R3HDM1: variants seen among roughly 807,000 people sequenced by gnomAD.
R3HDM1 encodes R3H domain containing 1, also known as R3H domain-containing protein 1.
In R3HDM1, 46 loss-of-function variants were observed where a neutral mutation model predicts 141.1. That is an observed-to-expected ratio of 0.33 (90% CI 0.26 to 0.42). The LOEUF (loss-of-function observed/expected upper bound fraction) is 0.42, where lower values mean the gene tolerates loss of function less well. R3HDM1 is among the 10% of genes least tolerant of loss of function. The pLI, the probability that R3HDM1 is intolerant of heterozygous loss-of-function variation, is 1.00. For synonymous variants in R3HDM1, 435 were observed against 472.9 expected, an observed-to-expected ratio of 0.92 and a Z score of 1.04; for missense variants, 1,184 against 1,368.3, an observed-to-expected ratio of 0.87 and a Z score of 2.12.
chr2:135,665,411 C>T (rs762767177), intron 19 of R3HDM1: 4 of 532,364 alleles, frequency 7.5e-6, no homozygotes, highest in Admixed American at 3.9e-5. Flanking sequence ...CTGTTGGATT[C>T]GGGGCCGTAG....
At chr2:135,663,306 G>A (rs541215610) in intron 19 of R3HDM1, among the ~76,000 whole-genome samples, 9 of 152,208 alleles carry the variant, frequency 5.9e-5, no homozygotes, top group African/African-American at 2.2e-4. Flanking sequence ...CAATAAATCA[G>A]GTTGCATCTG....
chr2:135,632,046 A>AATACTTTT, intron 9 of R3HDM1, 45 bp downstream of exon 9: 1 of 1,404,560 alleles, frequency 7.1e-7, no homozygotes. Context: ...TCTAAATAAT[A>AATACTTTT]ATACTTTATC....
intron 1 of R3HDM1, among the ~76,000 whole-genome samples, chr2:135,540,653 A>G (rs1251593111): frequency 6.6e-6 from 1 of 152,120 alleles, no homozygotes; most frequent in Non-Finnish European, 1.5e-5. Flanking sequence ...CCTGGCCTCA[A>G]GCAGTCCTTC....
chr2:135,620,411 G>T, intron 5 of R3HDM1: 2 of 866,354 alleles, frequency 2.3e-6, no homozygotes, highest in Non-Finnish European at 2.8e-6. Context: ...GTGTAAGGAA[G>T]TTGCCAGTGT....
intron 5 of R3HDM1, among the ~76,000 whole-genome samples, chr2:135,618,259 G>A (rs550193435): frequency 1.3e-5 from 2 of 151,416 alleles, no homozygotes; most frequent in East Asian, 3.9e-4. Context: ...CGCCTCCCAG[G>A]TTCAAGCCAT....
rs575860940 is a variant in R3HDM1, at chr2:135,688,304, A to G, written c.2459+7980A>G. Among the ~76,000 whole-genome samples, 5 of 152,362 alleles carry G rather than the reference A, an allele frequency of 3.3e-5. No homozygotes were observed. In the South Asian group the frequency reaches 6.2e-4, roughly 19 times the overall value. On this transcript the variant is annotated intron_variant, in intron 21 of 26. Coordinates refer to ENST00000683871, the MANE Select transcript of R3HDM1 (RefSeq NM_001378107.1). Reference sequence around the variant, plus strand: ...GCCATCAGTTCAGTGTTAACGAATCAACAATACAGTACATCCAGAAAAAGA... The same window carrying G: ...GCCATCAGTTCAGTGTTAACGAATCGACAATACAGTACATCCAGAAAAAGA...
At chr2:135,540,955 C>T (rs1697345114) in intron 1 of R3HDM1, among the ~76,000 whole-genome samples, 1 of 152,128 alleles carries the variant, frequency 6.6e-6, no homozygotes, top group Non-Finnish European at 1.5e-5. Flanking sequence ...TCTTGGGTGA[C>T]AAGGTAAATT....
At chr2:135,578,270 T>C (rs1705953204) in intron 1 of R3HDM1, among the ~76,000 whole-genome samples, 1 of 152,194 alleles carries the variant, frequency 6.6e-6, no homozygotes, top group Non-Finnish European at 1.5e-5. Context: ...TATAATATGC[T>C]ACTCTTTATG....
intron 1 of R3HDM1, among the ~76,000 whole-genome samples, chr2:135,595,628 C>T (rs1710473777): frequency 6.6e-6 from 1 of 152,152 alleles, no homozygotes; most frequent in African/African-American, 2.4e-5. Context: ...GTTAATATTA[C>T]CAGTTTCACA....
chr2:135,606,470 T>C (rs1306102106), intron 3 of R3HDM1: 2 of 151,942 alleles, frequency 1.3e-5, no homozygotes, highest in South Asian at 2.1e-4. Flanking sequence ...CAAAAAGTTA[T>C]TCAAAAAAAA....
At chr2:135,703,078 T>C (rs2074448232) in intron 21 of R3HDM1, among the ~76,000 whole-genome samples, 1 of 152,174 alleles carries the variant, frequency 6.6e-6, no homozygotes, top group African/African-American at 2.4e-5. Context: ...GAGACATCTT[T>C]GTGGTGAATT....
intron 9 of R3HDM1, 137 bp from the exon 10 acceptor site, chr2:135,635,753 C>T (rs2105230204): frequency 9.6e-7 from 1 of 1,041,474 alleles, no homozygotes; most frequent in Non-Finnish European, 1.3e-6. Flanking sequence ...CTAAATGAGA[C>T]TGCATAAGCA....
At chr2:135,693,178 G>T (rs1421175382) in intron 21 of R3HDM1, among the ~76,000 whole-genome samples, 1 of 152,150 alleles carries the variant, frequency 6.6e-6, no homozygotes. Flanking sequence ...TTTATTTTGG[G>T]TGGCAGATAA....
intron 1 of R3HDM1, chr2:135,577,044 GAA>G (rs1158925019): frequency 3.9e-5 from 26 of 659,338 alleles, no homozygotes; most frequent in East Asian, 3.3e-4. Flanking sequence ...TGTTACAAAA[GAA>G]AAAAAAAAAA....
chr2:135,593,185 G>A (rs1395736490), intron 1 of R3HDM1, among the ~76,000 whole-genome samples: 1 of 152,028 alleles, frequency 6.6e-6, no homozygotes, highest in East Asian at 1.9e-4. Flanking sequence ...CTCCCAAAGT[G>A]CTGGGATTAC....
chr2:135,557,828 G>A (rs1324620512), intron 1 of R3HDM1, among the ~76,000 whole-genome samples: 2 of 152,186 alleles, frequency 1.3e-5, no homozygotes, highest in Admixed American at 1.3e-4. Context: ...ACCAGGAGAG[G>A]TGGAGGAACA....
At chr2:135,600,103 ATTTTTTTTTTTT>A (rs1047714227) in intron 1 of R3HDM1, among the ~76,000 whole-genome samples, 4 of 93,476 alleles carry the variant, frequency 4.3e-5, no homozygotes, top group Admixed American at 1.5e-4. Context: ...AGTTCGTATG[ATTTTTTTTTTTT>A]TTTTTTTTTT....
chr2:135,591,664 G>T (rs1433475841), intron 1 of R3HDM1, among the ~76,000 whole-genome samples: 1 of 152,202 alleles, frequency 6.6e-6, no homozygotes, highest in Non-Finnish European at 1.5e-5. Flanking sequence ...CTAATGTGCA[G>T]TTAGGCCAGA....
At chr2:135,662,404 C>G (rs1335254916) in intron 19 of R3HDM1, among the ~76,000 whole-genome samples, 1 of 152,232 alleles carries the variant, frequency 6.6e-6, no homozygotes, top group Non-Finnish European at 1.5e-5. Flanking sequence ...CTTCAGTGAT[C>G]ATGATTCACT....
Sources: allele counts gnomAD v4.1 joint callset (sites outside exome capture counted in the v4.1 genomes callset), GRCh38; gene constraint gnomAD v4.1.1; transcripts MANE v1.5; gene names NCBI Gene and HGNC (gene_info 2026-07-23, HGNC 2026-07-21).